The following FIGN variants were observed in gnomAD, a reference collection of about 807,000 sequenced individuals.
The protein encoded by FIGN is fidgetin.
FIGN carries 11 observed loss-of-function variants against 51.3 expected under a neutral mutation model. The observed-to-expected ratio is 0.21, with a 90% CI of 0.13 to 0.35. FIGN has a LOEUF of 0.35. Among genes scored for constraint, FIGN ranks in the 10% least tolerant of loss-of-function variants. The probability of loss-of-function intolerance (pLI) is 1.00; values close to 1 mark genes in which losing one functional copy is unlikely to be tolerated. For missense variants in FIGN, 857 were observed against 943.6 expected, an observed-to-expected ratio of 0.91 and a Z score of 1.20; for synonymous variants, 407 against 363.2, an observed-to-expected ratio of 1.12 and a Z score of -1.37.
At chr2:163,679,368 C>T (rs375526551) in intron 2 of FIGN, among the ~76,000 whole-genome samples, 19 of 152,126 alleles carry the variant, frequency 1.2e-4, no homozygotes, top group South Asian at 1.0e-3. Flanking sequence ...TGGTGGCGGG[C>T]GCCTGTATTC....
intron 2 of FIGN, among the ~76,000 whole-genome samples, chr2:163,701,662 G>C (rs950110148): frequency 6.6e-6 from 1 of 152,212 alleles, no homozygotes. Flanking sequence ...GCATCCAGAC[G>C]AAGAATATCT....
chr2:163,685,471 A>C (rs1171337597), intron 2 of FIGN, among the ~76,000 whole-genome samples: 1 of 152,140 alleles, frequency 6.6e-6, no homozygotes, highest in Non-Finnish European at 1.5e-5. Context: ...TGTTCCCCTT[A>C]GGGCATAGGC....
intron 2 of FIGN, among the ~76,000 whole-genome samples, chr2:163,656,208 T>C (rs975980682): frequency 8.5e-5 from 13 of 152,128 alleles, no homozygotes; most frequent in African/African-American, 2.9e-4. Flanking sequence ...CTTAGAGACA[T>C]CTAGAGATAA....
At chr2:163,699,821 T>A (rs1233281168) in intron 2 of FIGN, among the ~76,000 whole-genome samples, 1 of 152,168 alleles carries the variant, frequency 6.6e-6, no homozygotes, top group East Asian at 1.9e-4. Context: ...AGGGACCTGA[T>A]ATTCAGGAGG....
intron 2 of FIGN, among the ~76,000 whole-genome samples, chr2:163,675,392 C>G (rs896670823): frequency 6.6e-6 from 1 of 152,328 alleles, no homozygotes; most frequent in Non-Finnish European, 1.5e-5. Flanking sequence ...TTTCTTATCA[C>G]AGACTAGTGA....
intron 2 of FIGN, among the ~76,000 whole-genome samples, chr2:163,699,375 C>T (rs1034648934): frequency 2.6e-5 from 4 of 152,046 alleles, no homozygotes; most frequent in Admixed American, 6.6e-5. Context: ...GACATGTCAA[C>T]GATTTACATG....
chr2:163,634,108 G>GTGTT lies in FIGN; in HGVS notation c.26-22303_26-22302insAACA, dbSNP rs1439957797. ...TGTATGCGTGTGTGTGTGTGTGTGTGTGTGTGTGTGTGTGTTTGGCTCACT... is the reference window on the plus strand; with the variant it reads ...TGTATGCGTGTGTGTGTGTGTGTGTGTGTTTGTGTGTGTGTGTGTTTGGCTCACT... On this transcript the variant is annotated intron_variant, in intron 2 of 2. Coordinates refer to ENST00000333129, the MANE Select transcript of FIGN (RefSeq NM_018086.4). Among the ~76,000 whole-genome samples the GTGTT allele has an allele frequency of 8.6e-5, 13 of 151,476 alleles. 1 individual carries two copies. The highest frequency in any genetic ancestry group is 7.9e-4 in the Admixed American group (12 of 15,164).
intron 2 of FIGN, among the ~76,000 whole-genome samples, chr2:163,655,804 C>CACACACAGAG (rs374458554): frequency 2.9e-4 from 42 of 145,850 alleles, no homozygotes; most frequent in African/African-American, 8.9e-4. Flanking sequence ...CACACACACA[C>CACACACAGAG]AGAGAGAGAG....
intron 2 of FIGN, among the ~76,000 whole-genome samples, chr2:163,710,493 C>G (rs1382554486): frequency 6.6e-6 from 1 of 152,142 alleles, no homozygotes; most frequent in Non-Finnish European, 1.5e-5. Context: ...AGAGTCTTCT[C>G]AAATTATAGT....
intron 2 of FIGN, among the ~76,000 whole-genome samples, chr2:163,711,402 A>G (rs1284542777): frequency 6.6e-6 from 1 of 152,186 alleles, no homozygotes; most frequent in East Asian, 1.9e-4. Flanking sequence ...CGTATTAAAT[A>G]AAAATGACTG....
In FIGN at chr2:163,638,732, A is replaced by G. The variant is rs149501572; in HGVS notation, c.26-26926T>C. Among the ~76,000 whole-genome samples, 46 of 152,286 alleles carry G rather than the reference A, an allele frequency of 3.0e-4. No individual in the cohort carries two copies. The East Asian group carries it at 8.7e-3, about 29-fold the overall frequency. On this transcript the variant is annotated intron_variant, in intron 2 of 2. Transcript: ENST00000333129. ...CTTTATGGTTAGTTTTCATTCAGCT[A>G]TCAATCAATCAATTACGCTGTGACA... is the stretch of plus-strand genomic sequence containing the variant.
At chr2:163,714,569 GA>G (rs1284650259) in intron 2 of FIGN, among the ~76,000 whole-genome samples, 1 of 152,170 alleles carries the variant, frequency 6.6e-6, no homozygotes, top group African/African-American at 2.4e-5. Context: ...CTCCTGGTCT[GA>G]TTACCTAGAC....
At chr2:163,641,141 A>G (rs1683300047) in intron 2 of FIGN, among the ~76,000 whole-genome samples, 2 of 152,244 alleles carry the variant, frequency 1.3e-5, no homozygotes, top group Non-Finnish European at 2.9e-5. Flanking sequence ...ACTATGGTAT[A>G]TGTTAATAAT....
intron 2 of FIGN, among the ~76,000 whole-genome samples, chr2:163,664,080 T>A (rs1573935890): frequency 6.6e-6 from 1 of 152,038 alleles, no homozygotes; most frequent in African/African-American, 2.4e-5. Context: ...ATTGTAGGTA[T>A]GTGTGTGTCT....
intron 2 of FIGN, among the ~76,000 whole-genome samples, chr2:163,616,139 A>G (rs535995914): frequency 2.0e-5 from 3 of 152,274 alleles, no homozygotes; most frequent in African/African-American, 7.2e-5. Flanking sequence ...ATTACTGACC[A>G]TTTGATAACT....
At chr2:163,687,157 T>C (rs917319883) in intron 2 of FIGN, among the ~76,000 whole-genome samples, 6 of 152,120 alleles carry the variant, frequency 3.9e-5, no homozygotes, top group Non-Finnish European at 4.4e-5. Context: ...AGAATGGTAT[T>C]CAAAGCCATA....
At chr2:163,697,466 A>G (rs1684340634) in intron 2 of FIGN, among the ~76,000 whole-genome samples, 1 of 151,870 alleles carries the variant, frequency 6.6e-6, no homozygotes, top group Non-Finnish European at 1.5e-5. Flanking sequence ...TGGTCCTCTC[A>G]GAGGCAAGTC....
Position 163,606,062 on chromosome 2 carries a change from T to C in FIGN, c.*3490A>G, listed in dbSNP as rs1337137675. 1.3e-5 allele frequency: 2 copies of C among 152,110 alleles called. No homozygotes were observed. Among genetic ancestry groups the C allele is most frequent in the African/African-American group, 4.8e-5 (2 of 41,424 alleles). The allele number at this position is 152,110 out of a possible 1,614,324, so 9.4% of individuals were successfully genotyped here. On this transcript the variant is annotated 3_prime_UTR_variant, in exon 3 of 3. Transcript: ENST00000333129. Reference sequence around the variant, plus strand: ...TATTTTAGTGGAATGGTTTATTTTCTCCTTGATAGGTTTCAAATGCACAAG... The same window carrying C: ...TATTTTAGTGGAATGGTTTATTTTCCCCTTGATAGGTTTCAAATGCACAAG...
chr2:163,719,456 A>C (rs1026616846), intron 2 of FIGN, among the ~76,000 whole-genome samples: 3 of 152,130 alleles, frequency 2.0e-5, no homozygotes, highest in African/African-American at 7.2e-5. Context: ...AGCCCAACCA[A>C]CTGACTTCCC....
Sources: allele counts gnomAD v4.1 joint callset (sites outside exome capture counted in the v4.1 genomes callset), GRCh38; gene constraint gnomAD v4.1.1; transcripts MANE v1.5; gene names NCBI Gene and HGNC (gene_info 2026-07-23, HGNC 2026-07-21).